ARFIP1: variants seen among roughly 807,000 people sequenced by gnomAD.
ARFIP1 encodes arfaptin-1.
A neutral mutation model predicts 42.5 loss-of-function variants in ARFIP1; 24 were observed. That is an observed-to-expected ratio of 0.57 (90% CI 0.41 to 0.80). The LOEUF is 0.80. Among genes scored for constraint, ARFIP1 ranks in the 30% least tolerant of loss-of-function variants. ARFIP1 has a pLI of 0.00. For synonymous variants in ARFIP1, 141 were observed against 153.7 expected (o/e 0.92, Z 0.61); for missense variants, 354 against 434.0 (o/e 0.82, Z 1.64).
chr4:152,843,970 C>T (rs1732327809), intron 2 of ARFIP1, among the ~76,000 whole-genome samples: 1 of 152,190 alleles, frequency 6.6e-6, no homozygotes, highest in Non-Finnish European at 1.5e-5. Flanking sequence ...CAAAGTTCAG[C>T]TGGAGATTTC....
intron 4 of ARFIP1, among the ~76,000 whole-genome samples, chr4:152,871,167 T>G (rs1392756255): frequency 1.3e-5 from 2 of 152,234 alleles, no homozygotes; most frequent in Non-Finnish European, 2.9e-5. Context: ...TAAACTCTCA[T>G]CTTTGCAGCT....
At position 152,911,701 on chromosome 4, in the gene ARFIP1, T is replaced by A. The variant is rs924030860; in HGVS notation, c.*1482T>A. The stretch of plus-strand genomic sequence containing the variant: ...TTCAAATGCCTTTTAGCTGGCTTTT[T>A]AATTAATATGCCTGTTTTGAGTGCT... On this transcript the variant is annotated 3_prime_UTR_variant, in exon 9 of 9. Transcript: ENST00000353617. The A allele has an allele frequency of 1.3e-5, 2 of 152,642 alleles. No individual in the cohort carries two copies. Among genetic ancestry groups the A allele is most frequent in the Non-Finnish European group, 2.9e-5 (2 of 68,022 alleles). 9.5% of individuals were successfully genotyped at this position (152,642 alleles called of 1,614,324 possible).
chr4:152,866,755 G>T (rs1199716006), intron 3 of ARFIP1, among the ~76,000 whole-genome samples: 16 of 151,280 alleles, frequency 1.1e-4, no homozygotes, highest in African/African-American at 3.6e-4. Flanking sequence ...CGGCTGCCGG[G>T]CGGAGGGTCT....
chr4:152,847,594 A>G (rs542738340), intron 2 of ARFIP1, among the ~76,000 whole-genome samples: 8 of 152,114 alleles, frequency 5.3e-5, no homozygotes, highest in Non-Finnish European at 1.0e-4. Context: ...TATTCTTTAA[A>G]ATTATTCTTT....
Position 152,863,628 on chromosome 4 carries a change from C to G in ARFIP1, c.116C>G (p.Ser39Cys). 6.2e-7 allele frequency: 1 copy of G among 1,604,196 alleles called. No individual in the cohort carries two copies. The highest frequency in any genetic ancestry group is 1.1e-5 in the South Asian group (1 of 90,752). ...AAGGATTTGAAGCATTCATTACCATCTGGACTTGGTCTCTCAGAAACCCAA... is the reference window on the plus strand; with the variant it reads ...AAGGATTTGAAGCATTCATTACCATGTGGACTTGGTCTCTCAGAAACCCAA... ...FNRDLKHSLP[S>C]GLGLSETQIT... The change falls in exon 3 of 9, where the codon TCT (serine) becomes TGT (cysteine). Residue 39 changes from serine (S) to cysteine (C), a missense_variant. Transcript: ENST00000353617.
intron 1 of ARFIP1, among the ~76,000 whole-genome samples, chr4:152,814,983 G>C (rs1179341821): frequency 6.6e-6 from 1 of 152,154 alleles, no homozygotes; most frequent in Non-Finnish European, 1.5e-5. Flanking sequence ...GGTGTGGGGA[G>C]GTTCAGTAGG....
intron 7 of ARFIP1, 99 bp from the exon 8 acceptor site, chr4:152,888,034 A>T: frequency 1.3e-6 from 1 of 780,468 alleles, no homozygotes; most frequent in Non-Finnish European, 1.9e-6. Context: ...TATATATTTT[A>T]TTGTATAGTA....
At chr4:152,856,840 A>C (rs1039832178) in intron 2 of ARFIP1, among the ~76,000 whole-genome samples, 1 of 152,256 alleles carries the variant, frequency 6.6e-6, no homozygotes, top group African/African-American at 2.4e-5. Context: ...AAGCCATTCC[A>C]AAAATAGTTG....
In ARFIP1 at chr4:152,882,825, GTGAATAAAACC is replaced by G; in HGVS notation, c.737_747del (p.Val246AspfsTer2). 1 of 1,611,428 alleles carries G rather than the reference GTGAATAAAACC, an allele frequency of 6.2e-7. No individual in the cohort carries two copies. The highest frequency in any genetic ancestry group is 8.5e-7 in the Non-Finnish European group (1 of 1,178,960). On this transcript the variant is annotated frameshift_variant, in exon 7 of 9. Coordinates refer to ENST00000353617, the MANE Select transcript of ARFIP1 (RefSeq NM_001025595.3). LOFTEE classifies it high-confidence loss of function. The stretch of plus-strand genomic sequence containing the variant: ...TTTCATTGCTAGTGTGAACACTTTG[GTGAATAAAACC>G]ATTGAAGATACATTAATGACTGTGA...
chr4:152,841,929 A>G (rs1050987322), intron 2 of ARFIP1, among the ~76,000 whole-genome samples: 15 of 152,068 alleles, frequency 9.9e-5, no homozygotes, highest in African/African-American at 2.7e-4. Context: ...CTACACCCCA[A>G]TTCAGCAGGA....
At chr4:152,811,090 C>CTTTTTTTTTTT (rs5863021) in intron 1 of ARFIP1, among the ~76,000 whole-genome samples, 1 of 74,430 alleles carries the variant, frequency 1.3e-5, no homozygotes, top group Non-Finnish European at 2.5e-5. Flanking sequence ...AAGGTTAAGC[C>CTTTTTTTTTTT]TTTTTTTTTT....
At chr4:152,856,132 A>C (rs184999429) in intron 2 of ARFIP1, among the ~76,000 whole-genome samples, 1,594 of 152,326 alleles carry the variant, frequency 0.01, 14 homozygotes, top group Non-Finnish European at 0.016. Flanking sequence ...AACTGCTTGA[A>C]AAGTTAGGTA....
At chr4:152,857,736 A>G (rs997876265) in intron 2 of ARFIP1, among the ~76,000 whole-genome samples, 2 of 152,170 alleles carry the variant, frequency 1.3e-5, no homozygotes, top group Non-Finnish European at 2.9e-5. Flanking sequence ...TGAAGTGGCA[A>G]CCTTTATCTG....
At chr4:152,848,638 A>G (rs941261961) in intron 2 of ARFIP1, among the ~76,000 whole-genome samples, 1 of 137,550 alleles carries the variant, frequency 7.3e-6, no homozygotes, top group Non-Finnish European at 1.6e-5. Flanking sequence ...TCCAACTCCT[A>G]CCCCCACCAG....
intron 5 of ARFIP1, among the ~76,000 whole-genome samples, chr4:152,880,481 C>A (rs562023528): frequency 6.6e-6 from 1 of 152,118 alleles, no homozygotes; most frequent in Non-Finnish European, 1.5e-5. Flanking sequence ...TCTTCCCCCC[C>A]GCTTTCATTC....
At chr4:152,826,370 A>G (rs1561125501) in intron 1 of ARFIP1, among the ~76,000 whole-genome samples, 1 of 152,226 alleles carries the variant, frequency 6.6e-6, no homozygotes, top group Non-Finnish European at 1.5e-5. Flanking sequence ...CAACTCAGGA[A>G]TCAAAAAACC....
chr4:152,845,173 C>T (rs539598866), intron 2 of ARFIP1, among the ~76,000 whole-genome samples: 1 of 152,240 alleles, frequency 6.6e-6, no homozygotes, highest in South Asian at 2.1e-4. Flanking sequence ...AAGAATGAAA[C>T]TGGACTGCTA....
At chr4:152,873,141 A>C (rs1735028349) in intron 5 of ARFIP1, among the ~76,000 whole-genome samples, 1 of 152,164 alleles carries the variant, frequency 6.6e-6, no homozygotes, top group African/African-American at 2.4e-5. Context: ...AAACAGCTCA[A>C]CCCCCAAATC....
chr4:152,855,254 C>T (rs1733331421), intron 2 of ARFIP1, among the ~76,000 whole-genome samples: 2 of 152,108 alleles, frequency 1.3e-5, no homozygotes, highest in African/African-American at 4.8e-5. Context: ...GCTGTGGCCC[C>T]CAGACTATGT....
Sources: allele counts gnomAD v4.1 joint callset (sites outside exome capture counted in the v4.1 genomes callset), GRCh38; gene constraint gnomAD v4.1.1; transcripts MANE v1.5; gene names NCBI Gene and HGNC (gene_info 2026-07-23, HGNC 2026-07-21).